Variants in STRN4 observed in about 807,000 individuals in gnomAD.
The protein encoded by STRN4 is striatin-4.
A neutral mutation model predicts 77.9 loss-of-function variants in STRN4; 27 were observed. That is an observed-to-expected ratio of 0.35 (90% CI 0.26 to 0.48). The LOEUF (loss-of-function observed/expected upper bound fraction) is 0.48, where lower values mean the gene tolerates loss of function less well. STRN4 is among the 20% of genes least tolerant of loss of function. The pLI, the probability that STRN4 is intolerant of heterozygous loss-of-function variation, is 0.99. For missense variants in STRN4, 798 were observed against 1,049.7 expected, an observed-to-expected ratio of 0.76 and a Z score of 3.31; for synonymous variants, 466 against 443.1, an observed-to-expected ratio of 1.05 and a Z score of -0.65.
intron 7 of STRN4, 77 bp downstream of exon 7, chr19:46,728,541 G>A: frequency 6.5e-7 from 1 of 1,529,140 alleles, no homozygotes; most frequent in Admixed American, 2.0e-5. Flanking sequence ...ACAGGAAGCA[G>A]CTGCGGGCAG....
Position 46,733,260 on chromosome 19 carries a change from G to A in STRN4, c.540-24C>T, listed in dbSNP as rs1162346592. 5 of 1,602,390 alleles carry A rather than the reference G, an allele frequency of 3.1e-6. No individual in the cohort carries two copies. The highest frequency in any genetic ancestry group is 4.2e-6 in the Non-Finnish European group (5 of 1,177,344). On this transcript the variant is annotated intron_variant, in intron 4 of 17. Transcript: ENST00000263280. This position sits in a 1 kb window ranked among gnomAD's most constrained non-coding sequence, Gnocchi z 4.3. ...ACCTGCAGGGGTGCAGAGCCACGTG[G>A]GTCAGACATCCCCTGGGCTTCTTCA...
At chr19:46,722,417 G>C in intron 14 of STRN4, 77 bp from the exon 15 acceptor site, 1 of 1,439,414 alleles carries the variant, frequency 6.9e-7, no homozygotes, top group Non-Finnish European at 9.7e-7. Flanking sequence ...CAAGCGCAGC[G>C]TGACAGCCCC....
At chr19:46,724,047 A>C (rs2054043549) in intron 12 of STRN4, among the ~76,000 whole-genome samples, 1 of 152,094 alleles carries the variant, frequency 6.6e-6, no homozygotes. Flanking sequence ...CCGGAGTTCA[A>C]GACCAGCCTG....
At chr19:46,739,348 T>C in intron 1 of STRN4, 1 of 181,142 alleles carries the variant, frequency 5.5e-6, no homozygotes, top group East Asian at 1.4e-4. Context: ...AAGCTACTTC[T>C]GGAGCTTAGG....
At position 46,720,699 on chromosome 19, in the gene STRN4, T is replaced by C. The variant is rs779189158; in HGVS notation, c.2165A>G (p.Lys722Arg). 2 of 1,611,000 alleles carry C rather than the reference T, an allele frequency of 1.2e-6. No individual in the cohort carries two copies. The highest frequency in any genetic ancestry group is 1.3e-5 in the African/African-American group (1 of 74,900). Residue 722 changes from lysine to arginine, a missense_variant, in exon 17 of 18, where the codon AAG becomes AGG. Around this residue, in one of 2 missense-constraint regions of STRN4, gnomAD observed 287 missense variants for 473.8 expected, o/e 0.61. Coordinates refer to ENST00000263280, the MANE Select transcript of STRN4 (RefSeq NM_013403.3). ...TCVQEITAHR[K>R]KHEEAIHAVA... ...AGCGTGGATGGCCTCCTCGTGCTTC[T>C]TGCGGTGGGCCGTGATCTCCTGCAC... is the stretch of plus-strand genomic sequence containing the variant.
Position 46,738,279 on chromosome 19 carries a change from T to G in STRN4, c.387-42A>C. 6.4e-7 allele frequency: 1 copy of G among 1,571,526 alleles called. No homozygotes were observed. The highest frequency in any genetic ancestry group is 8.8e-7 in the Non-Finnish European group (1 of 1,142,098). ...TTAATGAATAAGAGATGCGGGAGAG[T>G]AGACAGGGTCAGTAGTTACCTAAGG... is the stretch of plus-strand genomic sequence containing the variant. On this transcript the variant is annotated intron_variant, in intron 2 of 17. Transcript: ENST00000263280. The surrounding 1 kb of genome is among the most constrained non-coding windows in gnomAD (Gnocchi z 4.5).
Position 46,723,219 on chromosome 19 carries a change from G to A in STRN4, c.1660C>T (p.Pro554Ser). ...CAGGAGGCCAGGCGCTGGGAGGTGGGACTGAAGGCCAGGCCCCACACGGCG... is the reference window on the plus strand; with the variant it reads ...CAGGAGGCCAGGCGCTGGGAGGTGGAACTGAAGGCCAGGCCCCACACGGCG... ...GDAVWGLAFS[P>S]TSQRLASCSA... The change falls in exon 13 of 18, where the codon CCC becomes TCC. Residue 554 changes from proline (P) to serine (S), a missense_variant. Transcript: ENST00000263280. This position sits in a 1 kb window ranked among gnomAD's most constrained non-coding sequence, Gnocchi z 5.5. The A allele has an allele frequency of 1.9e-6, 3 of 1,553,458 alleles. No individual in the cohort carries two copies. Among genetic ancestry groups the A allele is most frequent in the Non-Finnish European group, 2.6e-6 (3 of 1,149,168 alleles).
chr19:46,721,021 G>T, intron 16 of STRN4: 1 of 391,212 alleles, frequency 2.6e-6, no homozygotes, highest in Admixed American at 4.6e-5. Context: ...GGCGGCAGGG[G>T]CAGTGAACAA....
intron 16 of STRN4, chr19:46,721,313 G>C (rs1425637160): frequency 6.5e-6 from 1 of 153,390 alleles, no homozygotes; most frequent in Non-Finnish European, 1.5e-5. Context: ...GATCAGGCAG[G>C]GCAAAGGCTC....
At chr19:46,737,493 AAG>A (rs1351825742) in intron 3 of STRN4, among the ~76,000 whole-genome samples, 1 of 152,098 alleles carries the variant, frequency 6.6e-6, no homozygotes, top group African/African-American at 2.4e-5. Context: ...CTGAGCACAC[AAG>A]GTCTTCTCAG....
chr19:46,736,178 G>A (rs2054358170), intron 4 of STRN4: 1 of 151,962 alleles, frequency 6.6e-6, no homozygotes, highest in African/African-American at 2.4e-5. Context: ...AGAAGGCTGA[G>A]GCAGGAGAAT....
At chr19:46,735,291 G>C (rs1336791624) in intron 4 of STRN4, among the ~76,000 whole-genome samples, 1 of 152,056 alleles carries the variant, frequency 6.6e-6, no homozygotes, top group Non-Finnish European at 1.5e-5. Flanking sequence ...GGGTGAAAGA[G>C]CAAGACTCTG....
Position 46,722,075 on chromosome 19 carries a change from G to A in STRN4, c.2006-3C>T, listed in dbSNP as rs1335081932. On this transcript the variant is annotated splice_polypyrimidine_tract_variant and splice_region_variant and intron_variant, in intron 15 of 17. Coordinates refer to ENST00000263280, the MANE Select transcript of STRN4 (RefSeq NM_013403.3). The stretch of plus-strand genomic sequence containing the variant: ...AACCATGGAGTGCACCGGCTTACCT[G>A]AGGCGAGAAGGGCGGGTGGCAGGTT... 5 of 1,612,630 alleles carry A rather than the reference G, an allele frequency of 3.1e-6. No individual in the cohort carries two copies. Among genetic ancestry groups the A allele is most frequent in the African/African-American group, 1.3e-5 (1 of 75,080 alleles).
In STRN4 at chr19:46,723,109, C is replaced by G; in HGVS notation, c.1765+5G>C. On this transcript the variant is annotated splice_donor_5th_base_variant and intron_variant, in intron 13 of 17. Transcript: ENST00000263280. This position sits in a 1 kb window ranked among gnomAD's most constrained non-coding sequence, Gnocchi z 5.5. Reference sequence around the variant, plus strand: ...CCAGGGTGAGGCACCGGGGCCCCCACTCACCGCTGGCTGTGGGGAAGGTGC... The same window carrying G: ...CCAGGGTGAGGCACCGGGGCCCCCAGTCACCGCTGGCTGTGGGGAAGGTGC... 1 of 1,561,770 alleles carries G rather than the reference C, an allele frequency of 6.4e-7. No homozygotes were observed. Among genetic ancestry groups the G allele is most frequent in the Non-Finnish European group, 8.7e-7 (1 of 1,153,428 alleles).
Position 46,733,036 on chromosome 19 carries a change from C to T in STRN4, c.737+3G>A. ...GACACACCTGCCATGTCCACGGGCTCACCTCTTTATCTGCTCCTCGATCTG... is the reference window on the plus strand; with the variant it reads ...GACACACCTGCCATGTCCACGGGCTTACCTCTTTATCTGCTCCTCGATCTG... On this transcript the variant is annotated splice_donor_region_variant and intron_variant, in intron 5 of 17. Coordinates refer to ENST00000263280, the MANE Select transcript of STRN4 (RefSeq NM_013403.3). This position sits in a 1 kb window ranked among gnomAD's most constrained non-coding sequence, Gnocchi z 4.3. 6.2e-7 allele frequency: 1 copy of T among 1,606,454 alleles called. No homozygotes were observed. Among genetic ancestry groups the T allele is most frequent in the African/African-American group, 1.3e-5 (1 of 74,908 alleles).
In STRN4 at chr19:46,741,511, T is replaced by C. The variant is rs2054472658; in HGVS notation, c.283-2623A>G. On this transcript the variant is annotated intron_variant, in intron 1 of 17. Transcript: ENST00000263280. This position sits in a 1 kb window ranked among gnomAD's most constrained non-coding sequence, Gnocchi z 4.9. ...AAAAACGGGAAGCGTCAGTGGCCAG[T>C]CTCTCCCTCGCTGCAAACGCCAGCA... is the stretch of plus-strand genomic sequence containing the variant. Among the ~76,000 whole-genome samples the C allele has an allele frequency of 6.6e-6, 1 of 152,144 alleles. No individual in the cohort carries two copies. The highest frequency in any genetic ancestry group is 2.1e-4 in the South Asian group (1 of 4,822).
intron 6 of STRN4, among the ~76,000 whole-genome samples, chr19:46,730,421 GAA>G (rs58970210): frequency 0.33 from 50,102 of 152,002 alleles, 8,342 homozygotes; most frequent in South Asian, 0.41. Flanking sequence ...TCTAAAGGAG[GAA>G]AGAAAGGGGA....
chr19:46,746,030 C>T, intron 1 of STRN4, 119 bp downstream of exon 1: 1 of 1,211,946 alleles, frequency 8.3e-7, no homozygotes, highest in Non-Finnish European at 1.1e-6. Context: ...GGTCCCCTCC[C>T]GCCCCCCCGC....
chr19:46,728,366 C>G lies in STRN4; in HGVS notation c.1039+252G>C, dbSNP rs1418114121. ...AGGCCAGCCAGAGCTGGACGCCCGCCCTGGAGGGCTGGCGGCCCCACTTCA... is the reference window on the plus strand; with the variant it reads ...AGGCCAGCCAGAGCTGGACGCCCGCGCTGGAGGGCTGGCGGCCCCACTTCA... On this transcript the variant is annotated intron_variant, in intron 7 of 17. Transcript: ENST00000263280. 3 of 599,958 alleles carry G rather than the reference C, an allele frequency of 5.0e-6. No individual in the cohort carries two copies. The African/African-American group carries it at 5.6e-5, about 11-fold the overall frequency. The allele number at this position is 599,958 out of a possible 1,614,324, so 37.2% of individuals were successfully genotyped here. A position where few individuals can be genotyped will look rare whatever the true frequency, so the allele number is the denominator to read the frequency against.
Sources: gnomAD v4.1 joint callset for allele counts (sites outside exome capture counted in the v4.1 genomes callset) on GRCh38, gnomAD v4.1.1 for gene constraint, gnomAD v4.1.1 regional missense constraint, Gnocchi (gnomAD v3.1) non-coding constraint, MANE v1.5 for transcripts, NCBI Gene and HGNC (gene_info 2026-07-23, HGNC 2026-07-21) for gene names.